C12orf42: variants seen among roughly 807,000 people sequenced by gnomAD.
C12orf42 encodes the protein uncharacterized protein C12orf42.
In C12orf42, 25 loss-of-function variants were observed where a neutral mutation model predicts 21.6. The ratio of observed to expected loss-of-function variants is 1.16; its 90% CI spans 0.84 to 1.62. The LOEUF is 1.62. C12orf42 is among the 40% of genes most tolerant of loss of function. C12orf42 has a pLI of 0.00. For synonymous variants in C12orf42, 174 were observed against 175.0 expected (o/e 0.99, Z 0.05); for missense variants, 483 against 459.3 (o/e 1.05, Z -0.47).
intron 1 of C12orf42, among the ~76,000 whole-genome samples, chr12:103,480,358 T>C (rs548327000): frequency 6.6e-6 from 1 of 151,856 alleles, no homozygotes; most frequent in East Asian, 1.9e-4. Flanking sequence ...GCCACAGTCT[T>C]GTCAATTTTA....
At chr12:103,247,118 CTA>C (rs1291297407) in intron 10 of C12orf42, among the ~76,000 whole-genome samples, 9 of 151,522 alleles carry the variant, frequency 5.9e-5, no homozygotes, top group African/African-American at 1.7e-4. Context: ...AATTTCAAGA[CTA>C]TGAATTCTCA....
At chr12:103,294,511 G>GAA (rs1181592819) in intron 4 of C12orf42, among the ~76,000 whole-genome samples, 1 of 131,656 alleles carries the variant, frequency 7.6e-6, no homozygotes, top group African/African-American at 2.9e-5. Flanking sequence ...GAAAGAAAAA[G>GAA]AAAGGAAGAA....
chr12:103,485,308 G>A (rs777391918), intron 1 of C12orf42, among the ~76,000 whole-genome samples: 33 of 152,242 alleles, frequency 2.2e-4, no homozygotes, highest in African/African-American at 7.5e-4. Flanking sequence ...TTCTGAGGCC[G>A]CTGTTCTGTT....
the C12orf42 span, among the ~76,000 whole-genome samples, chr12:103,061,871 TATC>T: frequency 6.6e-6 from 1 of 151,962 alleles, no homozygotes; most frequent in African/African-American, 2.4e-5. Flanking sequence ...ATTTTATATA[TATC>T]ATCATTTTGT....
At chr12:103,079,109 A>C in the C12orf42 span, among the ~76,000 whole-genome samples, 3 of 152,206 alleles carry the variant, frequency 2.0e-5, no homozygotes, top group Non-Finnish European at 2.9e-5. Flanking sequence ...ATCTTCCATG[A>C]CAGCCAGAGA....
chr12:103,355,106 T>A (rs1449939096), intron 4 of C12orf42, among the ~76,000 whole-genome samples: 1 of 152,148 alleles, frequency 6.6e-6, no homozygotes, highest in Non-Finnish European at 1.5e-5. Context: ...GAACTCATTG[T>A]CAGCTGCTTC....
chr12:103,217,472 T>C, the C12orf42 span, among the ~76,000 whole-genome samples: 2 of 146,482 alleles, frequency 1.4e-5, no homozygotes, highest in African/African-American at 5.1e-5. Flanking sequence ...GAGGCTGCAG[T>C]GGGCCATGAT....
chr12:103,092,321 C>T, the C12orf42 span, among the ~76,000 whole-genome samples: 1 of 152,132 alleles, frequency 6.6e-6, no homozygotes, highest in Non-Finnish European at 1.5e-5. Flanking sequence ...GAACTAATCT[C>T]AAATTCCTTA....
chr12:103,393,172 G>T (rs1803164906), intron 3 of C12orf42, among the ~76,000 whole-genome samples: 1 of 152,178 alleles, frequency 6.6e-6, no homozygotes, highest in Non-Finnish European at 1.5e-5. Flanking sequence ...AAGAAATGAG[G>T]TTTAATTGGC....
chr12:103,277,772 A>C, intron 4 of C12orf42, among the ~76,000 whole-genome samples: 1 of 152,050 alleles, frequency 6.6e-6, no homozygotes, highest in Admixed American at 6.5e-5. Flanking sequence ...GGCACCCGCC[A>C]AAACGCCCGG....
At chr12:103,214,595 G>C in the C12orf42 span, among the ~76,000 whole-genome samples, 1 of 152,178 alleles carries the variant, frequency 6.6e-6, no homozygotes, top group Non-Finnish European at 1.5e-5. Flanking sequence ...TAAGATTGCT[G>C]ATGTAAGAGC....
rs541676841 is a variant in C12orf42 at position 103,245,646 on chromosome 12, A to T, written c.*1367-7744T>A. Among the ~76,000 whole-genome samples, 52 of 152,270 alleles carry T rather than the reference A, an allele frequency of 3.4e-4. No homozygotes were observed. The South Asian group carries it at 0.011, about 31-fold the overall frequency. ...AGCTGCCACGAAGATTACTAATTGT[A>T]AGAGCCAAATACTGGGCCAAAAAAT... On this transcript the variant is annotated intron_variant and NMD_transcript_variant, in intron 10 of 10. Coordinates refer to the C12orf42 transcript ENST00000547347.
intron 2 of C12orf42, among the ~76,000 whole-genome samples, chr12:103,428,184 G>A (rs1268238406): frequency 6.6e-6 from 1 of 152,148 alleles, no homozygotes; most frequent in Non-Finnish European, 1.5e-5. Context: ...CCAGGAGCTG[G>A]TTTTTTGAAA....
chr12:103,189,375 T>C, the C12orf42 span, among the ~76,000 whole-genome samples: 1 of 152,198 alleles, frequency 6.6e-6, no homozygotes, highest in Non-Finnish European at 1.5e-5. Flanking sequence ...TTGGGAGATG[T>C]CAGCAGGATA....
At chr12:103,408,591 G>A (rs1375607324) in intron 2 of C12orf42, among the ~76,000 whole-genome samples, 3 of 152,130 alleles carry the variant, frequency 2.0e-5, no homozygotes, top group Non-Finnish European at 4.4e-5. Context: ...TATTATTTGT[G>A]TATGATTATA....
intron 4 of C12orf42, among the ~76,000 whole-genome samples, chr12:103,348,107 T>C (rs183861895): frequency 2.0e-5 from 3 of 152,280 alleles, no homozygotes; most frequent in Non-Finnish European, 1.5e-5. Flanking sequence ...GCCACTCCTA[T>C]GTATTATGCA....
the C12orf42 span, among the ~76,000 whole-genome samples, chr12:103,232,533 A>T: frequency 6.6e-6 from 1 of 152,148 alleles, no homozygotes; most frequent in African/African-American, 2.4e-5. Context: ...ACACGGTGAA[A>T]TCCCATGTCT....
intron 4 of C12orf42, among the ~76,000 whole-genome samples, chr12:103,294,628 G>T (rs561247324): frequency 8.7e-4 from 127 of 146,728 alleles, no homozygotes; most frequent in Non-Finnish European, 1.5e-3. Context: ...AAGAAAGAAA[G>T]AAAGAAAGAA....
the C12orf42 span, among the ~76,000 whole-genome samples, chr12:103,106,709 GA>G: frequency 6.6e-6 from 1 of 150,624 alleles, no homozygotes; most frequent in Admixed American, 6.6e-5. Context: ...GAAAAGAGGA[GA>G]AAAAAAGAAG....
Sources: allele counts gnomAD v4.1 joint callset (sites outside exome capture counted in the v4.1 genomes callset), GRCh38; gene constraint gnomAD v4.1.1; transcripts MANE v1.5; gene names NCBI Gene and HGNC (gene_info 2026-07-23, HGNC 2026-07-21).